FGFR1: variants seen among roughly 807,000 people sequenced by gnomAD.
FGFR1 encodes the protein fibroblast growth factor receptor 1.
A neutral mutation model predicts 93.7 loss-of-function variants in FGFR1; 18 were observed. The observed-to-expected ratio is 0.19, with a 90% CI of 0.13 to 0.28. The LOEUF is 0.28. Ranked by LOEUF, FGFR1 falls within the 10% of genes least tolerant of loss-of-function variation. The pLI is 1.00. For synonymous variants in FGFR1, 448 were observed against 429.3 expected, an observed-to-expected ratio of 1.04 and a Z score of -0.54; for missense variants, 731 against 1,080.4, an observed-to-expected ratio of 0.68 and a Z score of 4.53.
intron 8 of FGFR1, 142 bp downstream of exon 8, chr8:38,421,655 T>C (rs766713445): frequency 1.1e-6 from 1 of 888,838 alleles, no homozygotes; most frequent in Non-Finnish European, 1.9e-6. Context: ...CCCTCAAAGC[T>C]GGGGCAGGAT....
In FGFR1 at chr8:38,441,540, T is replaced by C. The variant is rs888353198; in HGVS notation, c.92-11592A>G. On this transcript the variant is annotated intron_variant, in intron 2 of 17. Transcript: ENST00000447712. ...TACAGAAAACTCTTACTACACTCTT[T>C]CGCTCAACCTATTCCCAATACACTT... Among the ~76,000 whole-genome samples the C allele has an allele frequency of 1.3e-4, 20 of 152,232 alleles. 1 individual carries two copies. The highest frequency in any genetic ancestry group is 4.8e-4 in the African/African-American group (20 of 41,466).
intron 2 of FGFR1, among the ~76,000 whole-genome samples, chr8:38,447,967 C>A (rs1829874274): frequency 6.6e-6 from 1 of 152,014 alleles, no homozygotes; most frequent in South Asian, 2.1e-4. Context: ...ACCTAAATGC[C>A]CAAATGTAGA....
intron 2 of FGFR1, among the ~76,000 whole-genome samples, chr8:38,432,918 C>CAA (rs1563530037): frequency 7.1e-6 from 1 of 140,812 alleles, no homozygotes; most frequent in South Asian, 2.4e-4. Flanking sequence ...GCCCCCCCCC[C>CAA]TCCCCAGTTG....
intron 8 of FGFR1, chr8:38,420,143 T>C: frequency 4.7e-6 from 1 of 213,986 alleles, no homozygotes; most frequent in South Asian, 9.2e-5. Flanking sequence ...CAGCACTGTG[T>C]GCATGCACTT....
rs778778138 is a variant in FGFR1 at position 38,419,728 on chromosome 8, T to C, written c.1089A>G (p.Glu363=). 6.2e-7 allele frequency: 1 copy of C among 1,614,094 alleles called. No homozygotes were observed. Among genetic ancestry groups the C allele is most frequent in the Middle Eastern group, 1.7e-4 (1 of 6,052 alleles). The change falls in exon 9 of 18, where the codon GAA becomes GAG. Residue 363 remains glutamate, a synonymous_variant. Transcript: ENST00000447712. ...SAWLTVLEAL[E]ERPAVMTSPL... Reference sequence around the variant, plus strand: ...GCGAGGTCATCACTGCCGGCCTCTCTTCCAGGGCTGAGTCAGTGCGAACAG... The same window carrying C: ...GCGAGGTCATCACTGCCGGCCTCTCCTCCAGGGCTGAGTCAGTGCGAACAG...
chr8:38,449,345 G>A (rs1479995295), intron 2 of FGFR1, among the ~76,000 whole-genome samples: 1 of 152,032 alleles, frequency 6.6e-6, no homozygotes, highest in African/African-American at 2.4e-5. Context: ...TTGTATTTAC[G>A]GAAAAAGGAA....
chr8:38,421,435 T>C (rs975446592), intron 8 of FGFR1, among the ~76,000 whole-genome samples: 1 of 152,074 alleles, frequency 6.6e-6, no homozygotes, highest in African/African-American at 2.4e-5. Flanking sequence ...ATCTGAGACT[T>C]TTCAGATGCT....
rs1052578745 is a variant in FGFR1, at chr8:38,447,114, C to T, written c.91+10242G>A. Reference sequence around the variant, plus strand: ...CTGCAAGCAAACACACACACACACACACACACACACACACACACACACACA... The same window carrying T: ...CTGCAAGCAAACACACACACACACATACACACACACACACACACACACACA... On this transcript the variant is annotated intron_variant, in intron 2 of 17. Transcript: ENST00000447712. 3.2e-3 allele frequency among the ~76,000 whole-genome samples: 433 copies of T among 136,902 alleles called. 1 individual carries two copies. Among genetic ancestry groups the T allele is most frequent in the Non-Finnish European group, 5.4e-3 (327 of 60,538 alleles). The allele number at this position is 136,902 out of a possible 152,430, so 89.8% of individuals were successfully genotyped here.
chr8:38,446,563 C>A (rs1044799184), intron 2 of FGFR1, among the ~76,000 whole-genome samples: 21 of 152,078 alleles, frequency 1.4e-4, no homozygotes, highest in Non-Finnish European at 3.1e-4. Flanking sequence ...CAGGCGCCCA[C>A]CACCACGCCC....
At chr8:38,463,982 G>A (rs1253963296) in intron 1 of FGFR1, among the ~76,000 whole-genome samples, 1 of 151,566 alleles carries the variant, frequency 6.6e-6, no homozygotes, top group Non-Finnish European at 1.5e-5. Context: ...AAAAAAAAAA[G>A]TGTCTAAATG....
In FGFR1 at chr8:38,426,193, T is replaced by G; in HGVS notation, c.674A>C (p.Lys225Thr). The change falls in exon 6 of 18, where the codon AAG becomes ACG. Residue 225 changes from lysine to threonine, a missense_variant. By Grantham distance (78) the Lys-to-Thr change is moderately conservative. Around this residue, in one of 10 missense-constraint regions of FGFR1, gnomAD observed 109 missense variants for 249.4 expected, o/e 0.44. Coordinates refer to ENST00000447712, the MANE Select transcript of FGFR1 (RefSeq NM_023110.3). This position sits in a 1 kb window ranked among gnomAD's most constrained non-coding sequence, Gnocchi z 4.1. Reference protein sequence around the residue: ...IIMDSVVPSDKGNYTCIVENE... With the variant: ...IIMDSVVPSDTGNYTCIVENE... ...CTCCACAATGCAGGTGTAGTTGCCCTTGTCAGAGGGCACCACAGAGTCCAT... is the reference window on the plus strand; with the variant it reads ...CTCCACAATGCAGGTGTAGTTGCCCGTGTCAGAGGGCACCACAGAGTCCAT... 6.2e-7 allele frequency: 1 copy of G among 1,614,154 alleles called. No homozygotes were observed. The highest frequency in any genetic ancestry group is 8.5e-7 in the Non-Finnish European group (1 of 1,180,020).
rs1432127563 is a variant in FGFR1, at chr8:38,416,083, C to G, written c.1664-23G>C. 3 of 1,600,898 alleles carry G rather than the reference C, an allele frequency of 1.9e-6. No homozygotes were observed. In the East Asian group the frequency reaches 6.7e-5, roughly 36 times the overall value. On this transcript the variant is annotated intron_variant, in intron 12 of 17. Coordinates refer to ENST00000447712, the MANE Select transcript of FGFR1 (RefSeq NM_023110.3). ...GACCTGCAGGCACAGGAGAAGAGGCCATGGGGCCAGCAGCAGGTGAGCAGG... is the reference window on the plus strand; with the variant it reads ...GACCTGCAGGCACAGGAGAAGAGGCGATGGGGCCAGCAGCAGGTGAGCAGG...
At chr8:38,445,073 C>T (rs1828862760) in intron 2 of FGFR1, among the ~76,000 whole-genome samples, 1 of 152,152 alleles carries the variant, frequency 6.6e-6, no homozygotes, top group Non-Finnish European at 1.5e-5. Flanking sequence ...TGACCCTGTC[C>T]CAGCCCTAAC....
intron 6 of FGFR1, among the ~76,000 whole-genome samples, chr8:38,425,635 T>C (rs1485789946): frequency 6.6e-6 from 1 of 152,216 alleles, no homozygotes; most frequent in Non-Finnish European, 1.5e-5. Flanking sequence ...CAGAGTCTCC[T>C]GTGATGCCCT....
chr8:38,436,050 A>C (rs960194071), intron 2 of FGFR1, among the ~76,000 whole-genome samples: 21 of 152,152 alleles, frequency 1.4e-4, no homozygotes, highest in Non-Finnish European at 2.1e-4. Flanking sequence ...CTGGCTGTTC[A>C]CTATTACAGG....
At chr8:38,439,934 C>T (rs1270319744) in intron 2 of FGFR1, among the ~76,000 whole-genome samples, 1 of 152,168 alleles carries the variant, frequency 6.6e-6, no homozygotes, top group African/African-American at 2.4e-5. Context: ...CTACGTTCTA[C>T]ACTCCAAAGG....
rs2150962739 is a variant in FGFR1, at chr8:38,429,848, G to A, written c.192C>T (p.Ile64=). ...RCRLRDDVQS[I]NWLRDGVQLA... ...GCTGCACCCCGTCCCGCAGCCAGTT[G>A]ATGCTCTGCACATCGTCCCGCAGCC... The change falls in exon 3 of 18, where the codon ATC becomes ATT. Residue 64 remains isoleucine, a synonymous_variant. Transcript: ENST00000447712. This position sits in a 1 kb window ranked among gnomAD's most constrained non-coding sequence, Gnocchi z 4.4. The A allele has an allele frequency of 6.2e-7, 1 of 1,614,070 alleles. No individual in the cohort carries two copies. Among genetic ancestry groups the A allele is most frequent in the Non-Finnish European group, 8.5e-7 (1 of 1,180,012 alleles).
In FGFR1 at chr8:38,463,627, C is replaced by T. The variant is rs566075607; in HGVS notation, c.-89+4354G>A. 8.9e-4 allele frequency among the ~76,000 whole-genome samples: 136 copies of T among 152,096 alleles called. No homozygotes were observed. Among genetic ancestry groups the T allele is most frequent in the Non-Finnish European group, 1.7e-3 (113 of 68,010 alleles). On this transcript the variant is annotated intron_variant, in intron 1 of 17. Transcript: ENST00000447712. ...TAAGTGAATGAAGGAAAAAAAAGGGCTGATGAAAAGAAACTGACAGAGATA... is the reference window on the plus strand; with the variant it reads ...TAAGTGAATGAAGGAAAAAAAAGGGTTGATGAAAAGAAACTGACAGAGATA...
chr8:38,427,573 C>T (rs1228708240), intron 5 of FGFR1, among the ~76,000 whole-genome samples: 1 of 152,196 alleles, frequency 6.6e-6, no homozygotes, highest in Non-Finnish European at 1.5e-5. Flanking sequence ...AGCCACCATG[C>T]CCAGCCAAAT....
Sources: allele counts gnomAD v4.1 joint callset (sites outside exome capture counted in the v4.1 genomes callset), GRCh38; gene constraint gnomAD v4.1.1; regional missense constraint gnomAD v4.1.1; non-coding constraint Gnocchi (gnomAD v3.1); transcripts MANE v1.5; gene names NCBI Gene and HGNC (gene_info 2026-07-23, HGNC 2026-07-21).